ESRRG: variants seen among roughly 807,000 people sequenced by gnomAD.
ESRRG encodes estrogen-related receptor gamma.
ESRRG carries 13 observed loss-of-function variants against 44.0 expected under a neutral mutation model. The ratio of observed to expected loss-of-function variants is 0.30; its 90% CI spans 0.19 to 0.47. ESRRG has a LOEUF of 0.47. Among genes scored for constraint, ESRRG ranks in the 20% least tolerant of loss-of-function variants. The probability of loss-of-function intolerance (pLI) is 1.00; values close to 1 mark genes in which losing one functional copy is unlikely to be tolerated. For synonymous variants in ESRRG, 215 were observed against 214.6 expected, an observed-to-expected ratio of 1.00 and a Z score of -0.02; for missense variants, 395 against 580.6, an observed-to-expected ratio of 0.68 and a Z score of 3.29.
At chr1:216,600,551 C>T (rs1461190655) in intron 3 of ESRRG, among the ~76,000 whole-genome samples, 1 of 152,006 alleles carries the variant, frequency 6.6e-6, no homozygotes, top group Non-Finnish European at 1.5e-5. Context: ...TTCAGGGGTA[C>T]ATGTGCAGCT....
intron 1 of ESRRG, among the ~76,000 whole-genome samples, chr1:216,693,365 C>T (rs1056746276): frequency 6.6e-6 from 1 of 152,184 alleles, no homozygotes; most frequent in Admixed American, 6.5e-5. Flanking sequence ...CTCTTGGCCT[C>T]AAGCAATCCT....
chr1:216,597,295 T>A (rs1004678437), intron 3 of ESRRG, among the ~76,000 whole-genome samples: 3 of 152,082 alleles, frequency 2.0e-5, no homozygotes, highest in African/African-American at 7.2e-5. Context: ...AGCCGTATAA[T>A]GCTTGCATTT....
At chr1:216,649,944 T>A (rs940899362) in intron 3 of ESRRG, among the ~76,000 whole-genome samples, 1 of 152,156 alleles carries the variant, frequency 6.6e-6, no homozygotes, top group Admixed American at 6.5e-5. Flanking sequence ...ATTTAAAAGT[T>A]AAAAAATAGG....
chr1:216,984,846 T>G (rs2074603688), intron 1 of ESRRG, among the ~76,000 whole-genome samples: 1 of 152,216 alleles, frequency 6.6e-6, no homozygotes. Flanking sequence ...CATAAACCAG[T>G]GAATGAATCC....
chr1:216,726,539 CAAAT>C (rs1249251745), upstream of ESRRG, among the ~76,000 whole-genome samples: 4 of 152,070 alleles, frequency 2.6e-5, no homozygotes, highest in South Asian at 4.2e-4. Flanking sequence ...TCTGGAAAAA[CAAAT>C]AAACAAACAA....
chr1:216,870,648 G>A (rs2096247341), intron 2 of ESRRG, among the ~76,000 whole-genome samples: 1 of 151,886 alleles, frequency 6.6e-6, no homozygotes, highest in Admixed American at 6.6e-5. Flanking sequence ...AGATTTCTTT[G>A]GCAAAAGGAT....
At chr1:216,825,010 A>G (rs2095366523) in intron 2 of ESRRG, among the ~76,000 whole-genome samples, 1 of 152,202 alleles carries the variant, frequency 6.6e-6, no homozygotes, top group Non-Finnish European at 1.5e-5. Context: ...AATGTGTCAC[A>G]GTGACAGAGG....
chr1:216,659,962 G>T (rs1348417576), intron 2 of ESRRG, among the ~76,000 whole-genome samples: 3 of 152,158 alleles, frequency 2.0e-5, no homozygotes, highest in East Asian at 1.9e-4. Flanking sequence ...AATTTTTAGT[G>T]AGTCTGTTAT....
In ESRRG at chr1:216,506,835, G is replaced by T. The variant is rs961984203; in HGVS notation, c.*104C>A. 2.3e-6 allele frequency: 3 copies of T among 1,309,736 alleles called. No individual in the cohort carries two copies. The highest frequency in any genetic ancestry group is 3.2e-6 in the Non-Finnish European group (3 of 944,760). The allele number at this position is 1,309,736 out of a possible 1,614,324, so 81.1% of individuals were successfully genotyped here. A position where few individuals can be genotyped will look rare whatever the true frequency, so the allele number is the denominator to read the frequency against. The stretch of plus-strand genomic sequence containing the variant: ...TGCTAAATTATCAGTGCAGTCTGTT[G>T]ATTTTTGATGTTGTTAACTAAACTC... On this transcript the variant is annotated 3_prime_UTR_variant, in exon 7 of 7. Transcript: ENST00000408911.
intron 2 of ESRRG, among the ~76,000 whole-genome samples, chr1:216,835,802 C>A (rs1320956323): frequency 2.0e-5 from 3 of 152,144 alleles, no homozygotes. Flanking sequence ...CAAGGCTCAA[C>A]AAATACACAG....
chr1:216,933,108 C>T (rs1307354919), intron 2 of ESRRG, among the ~76,000 whole-genome samples: 1 of 151,736 alleles, frequency 6.6e-6, no homozygotes, highest in African/African-American at 2.4e-5. Context: ...GGACTGTTTC[C>T]AGGATTAAAT....
intron 2 of ESRRG, among the ~76,000 whole-genome samples, chr1:216,765,555 G>A (rs1042036383): frequency 6.6e-6 from 1 of 152,118 alleles, no homozygotes; most frequent in Non-Finnish European, 1.5e-5. Context: ...CCCTGGGACT[G>A]TACTGACAGT....
chr1:216,821,701 T>A (rs748477042), intron 2 of ESRRG, among the ~76,000 whole-genome samples: 20,355 of 77,710 alleles, frequency 0.26, 4,698 homozygotes, highest in Non-Finnish European at 0.33. Context: ...AATAAATAAA[T>A]AAATAAATAA....
chr1:216,927,554 G>A (rs2062760005), intron 2 of ESRRG, among the ~76,000 whole-genome samples: 1 of 152,220 alleles, frequency 6.6e-6, no homozygotes, highest in South Asian at 2.1e-4. Flanking sequence ...AAAGAAAAAG[G>A]ATAATACTTC....
intron 2 of ESRRG, among the ~76,000 whole-genome samples, chr1:216,906,179 C>T (rs971512525): frequency 2.6e-5 from 4 of 152,128 alleles, no homozygotes; most frequent in South Asian, 2.1e-4. Context: ...TTTGAACTAG[C>T]GAGCTCTCTA....
At chr1:216,688,699 T>TAA (rs938399367) in intron 1 of ESRRG, among the ~76,000 whole-genome samples, 1 of 146,666 alleles carries the variant, frequency 6.8e-6, no homozygotes, top group African/African-American at 2.5e-5. Context: ...ATATTTGGGG[T>TAA]AAAAAAAAAA....
chr1:216,537,976 T>C (rs113480758), intron 5 of ESRRG, among the ~76,000 whole-genome samples: 41 of 152,196 alleles, frequency 2.7e-4, no homozygotes, highest in African/African-American at 9.6e-4. Context: ...GGATATTTCT[T>C]CACCTTTGTG....
intron 2 of ESRRG, among the ~76,000 whole-genome samples, chr1:216,781,727 C>T (rs897324475): frequency 1.3e-5 from 2 of 152,024 alleles, no homozygotes; most frequent in Admixed American, 6.6e-5. Context: ...CCTCAGAAAG[C>T]CAAGCATGTA....
At chr1:217,012,654 C>T (rs879830941) in intron 1 of ESRRG, among the ~76,000 whole-genome samples, 1 of 152,186 alleles carries the variant, frequency 6.6e-6, no homozygotes, top group Non-Finnish European at 1.5e-5. Context: ...CCTCAAGCTG[C>T]CTCTCCCCAC....
Sources: allele counts gnomAD v4.1 joint callset (sites outside exome capture counted in the v4.1 genomes callset), GRCh38; gene constraint gnomAD v4.1.1; transcripts MANE v1.5; gene names NCBI Gene and HGNC (gene_info 2026-07-23, HGNC 2026-07-21).